Variants in LARP1B observed in about 807,000 individuals in gnomAD.
LARP1B encodes la-related protein 1B.
Under a neutral mutation model 114.2 loss-of-function variants are expected in LARP1B, and 76 were observed. The ratio of observed to expected loss-of-function variants is 0.67; its 90% confidence interval spans 0.55 to 0.81. The LOEUF (loss-of-function observed/expected upper bound fraction) is 0.81, where lower values mean the gene tolerates loss of function less well. LARP1B is among the 30% of genes least tolerant of loss of function. The probability of loss-of-function intolerance (pLI) is 0.00; values close to 1 mark genes in which losing one functional copy is unlikely to be tolerated. For missense variants in LARP1B, 1,014 were observed against 1,075.8 expected, an observed-to-expected ratio of 0.94 and a Z score of 0.80; for synonymous variants, 345 against 348.0, an observed-to-expected ratio of 0.99 and a Z score of 0.10.
At chr4:128,093,746 C>G (rs943388329) in intron 7 of LARP1B, among the ~76,000 whole-genome samples, 4 of 135,198 alleles carry the variant, frequency 3.0e-5, no homozygotes, top group Non-Finnish European at 6.2e-5. Context: ...GTTTTGCTCT[C>G]GTTGTGCAGG....
chr4:128,101,043 T>C (rs988389171), intron 8 of LARP1B, among the ~76,000 whole-genome samples: 1 of 150,878 alleles, frequency 6.6e-6, no homozygotes, highest in Non-Finnish European at 1.5e-5. Context: ...GGTCTCGAAC[T>C]TCTATCTCAG....
At chr4:128,080,595 A>G (rs1378386972) in intron 4 of LARP1B, among the ~76,000 whole-genome samples, 4 of 152,170 alleles carry the variant, frequency 2.6e-5, no homozygotes, top group East Asian at 3.9e-4. Flanking sequence ...TTTCATTGCC[A>G]TGAGTCTTTA....
chr4:128,073,604 T>TG, intron 1 of LARP1B, among the ~76,000 whole-genome samples: 2 of 109,270 alleles, frequency 1.8e-5, no homozygotes, highest in Non-Finnish European at 3.7e-5. Flanking sequence ...TTTTTTTTTT[T>TG]TTTTTGGACA....
chr4:128,097,400 C>T (rs1041905660), intron 7 of LARP1B, among the ~76,000 whole-genome samples: 2 of 150,360 alleles, frequency 1.3e-5, no homozygotes, highest in Non-Finnish European at 1.5e-5. Context: ...GTTTGCTGCC[C>T]GGGTTCAAGG....
intron 9 of LARP1B, chr4:128,107,888 G>T (rs1782651320): frequency 6.5e-7 from 1 of 1,535,922 alleles, no homozygotes. Context: ...TTCAGTCAGG[G>T]TGATGATCTT....
At chr4:128,064,023 G>A (rs1761463840) in intron 1 of LARP1B, among the ~76,000 whole-genome samples, 1 of 152,070 alleles carries the variant, frequency 6.6e-6, no homozygotes, top group Non-Finnish European at 1.5e-5. Context: ...TGTAATCCCA[G>A]CACTTTGGGA....
intron 11 of LARP1B, chr4:128,123,384 G>A (rs1230723438): frequency 1.0e-6 from 1 of 975,554 alleles, no homozygotes; most frequent in Non-Finnish European, 1.2e-6. Context: ...GGTTCGGTAA[G>A]TAATACCTAT....
intron 11 of LARP1B, among the ~76,000 whole-genome samples, chr4:128,144,483 A>G (rs556532259): frequency 1.3e-5 from 2 of 152,110 alleles, no homozygotes; most frequent in Non-Finnish European, 2.9e-5. Context: ...ATTTGATAAT[A>G]TTTCACAGGT....
chr4:128,084,595 G>A (rs1188034936), intron 5 of LARP1B, among the ~76,000 whole-genome samples: 5 of 151,490 alleles, frequency 3.3e-5, no homozygotes, highest in Non-Finnish European at 5.9e-5. Flanking sequence ...GCTTCGGCTC[G>A]GCATCAGAGG....
At chr4:128,061,642 G>A (rs542721148) in intron 1 of LARP1B, 13 of 978,926 alleles carry the variant, frequency 1.3e-5, no homozygotes, top group Non-Finnish European at 1.6e-5. Flanking sequence ...CGGGCAGTCG[G>A]GTTCCCTGGC....
intron 11 of LARP1B, among the ~76,000 whole-genome samples, chr4:128,147,794 T>C (rs1443055326): frequency 6.6e-6 from 1 of 152,200 alleles, no homozygotes; most frequent in African/African-American, 2.4e-5. Context: ...TTATGGCCAG[T>C]AATTACAATA....
At chr4:128,214,560 C>T (rs967813261), downstream of LARP1B, among the ~76,000 whole-genome samples, 3 of 151,480 alleles carry the variant, frequency 2.0e-5, no homozygotes, top group African/African-American at 7.3e-5. Flanking sequence ...CAGGGTATTC[C>T]AACAGACCTG....
At chr4:128,061,698 C>CTT in intron 1 of LARP1B, 1 of 984,852 alleles carries the variant, frequency 1.0e-6, no homozygotes, top group Non-Finnish European at 1.2e-6. Context: ...GGGACGATGT[C>CTT]TACTCGCGCC....
intron 11 of LARP1B, among the ~76,000 whole-genome samples, chr4:128,148,189 G>C (rs936868813): frequency 6.6e-6 from 1 of 152,162 alleles, no homozygotes; most frequent in Non-Finnish European, 1.5e-5. Flanking sequence ...CTAGCACTTT[G>C]GGAGGCTGAG....
chr4:128,181,847 C>T (rs1188539260), intron 15 of LARP1B, among the ~76,000 whole-genome samples: 2 of 145,802 alleles, frequency 1.4e-5, no homozygotes, highest in Non-Finnish European at 3.0e-5. Context: ...GCTCTGTCGC[C>T]CAGGCTGGAG....
intron 19 of LARP1B, 76 bp from the exon 20 acceptor site, chr4:128,209,780 G>C (rs1157228453): frequency 2.4e-6 from 3 of 1,236,966 alleles, no homozygotes; most frequent in Admixed American, 1.9e-5. Context: ...CTTTTTTGGG[G>C]AAAAGTCTAG....
chr4:128,152,911 T>C (rs1486162927), intron 11 of LARP1B, among the ~76,000 whole-genome samples: 3 of 151,866 alleles, frequency 2.0e-5, no homozygotes, highest in Non-Finnish European at 4.4e-5. Context: ...GTTTTTTAAT[T>C]GTGATAAAAC....
At chr4:128,101,561 G>GTTTT (rs35662647) in intron 8 of LARP1B, among the ~76,000 whole-genome samples, 13 of 128,702 alleles carry the variant, frequency 1.0e-4, no homozygotes, top group African/African-American at 3.4e-4. Flanking sequence ...GAGAAAATTA[G>GTTTT]TTTTTTTTTT....
At chr4:128,189,646 G>C (rs929281551) in intron 15 of LARP1B, among the ~76,000 whole-genome samples, 3 of 151,904 alleles carry the variant, frequency 2.0e-5, no homozygotes, top group Admixed American at 2.0e-4. Flanking sequence ...GTTTTTCTCT[G>C]GGAGTATGTT....
Sources: allele counts gnomAD v4.1 joint callset (sites outside exome capture counted in the v4.1 genomes callset), GRCh38; gene constraint gnomAD v4.1.1; transcripts MANE v1.5; gene names NCBI Gene and HGNC (gene_info 2026-07-23, HGNC 2026-07-21).